The following MRC2 variants were observed in gnomAD, a reference collection of about 807,000 sequenced individuals.
MRC2 encodes mannose receptor C-type 2, also known as C-type mannose receptor 2.
Under a neutral mutation model 206.2 loss-of-function variants are expected in MRC2, and 84 were observed. The observed-to-expected ratio is 0.41, with a 90% CI of 0.34 to 0.49. The LOEUF (loss-of-function observed/expected upper bound fraction) is 0.49, where lower values mean the gene tolerates loss of function less well. MRC2 is among the 20% of genes least tolerant of loss of function. The probability of loss-of-function intolerance (pLI) is 0.31; values close to 1 mark genes in which losing one functional copy is unlikely to be tolerated. For synonymous variants in MRC2, 798 were observed against 800.0 expected, an observed-to-expected ratio of 1.00 and a Z score of 0.04; for missense variants, 1,676 against 2,001.5, an observed-to-expected ratio of 0.84 and a Z score of 3.10.
chr17:62,672,070 T>C lies in MRC2; in HGVS notation c.1379T>C (p.Leu460Pro). Residue 460 changes from leucine (L) to proline (P), a missense_variant, in exon 8 of 30, where the codon CTT becomes CCT. Coordinates refer to ENST00000303375, the MANE Select transcript of MRC2 (RefSeq NM_006039.5). This position sits in a 1 kb window ranked among gnomAD's most constrained non-coding sequence, Gnocchi z 4.5. ...AATTTTGAGTGGTCTGACGGGAGCC[T>C]TGTGAGCTTCACCCACTGGCACCCC... ...QMNFEWSDGS[L>P]VSFTHWHPFE... 1 of 1,614,136 alleles carries C rather than the reference T, an allele frequency of 6.2e-7. No homozygotes were observed. Among genetic ancestry groups the C allele is most frequent in the Non-Finnish European group, 8.5e-7 (1 of 1,180,024 alleles).
intron 1 of MRC2, among the ~76,000 whole-genome samples, chr17:62,647,192 T>TC (rs1156822499): frequency 1.3e-5 from 2 of 150,394 alleles, no homozygotes; most frequent in Non-Finnish European, 3.0e-5. Context: ...TTTTCTTTTT[T>TC]TTTTTTTTTG....
intron 1 of MRC2, among the ~76,000 whole-genome samples, chr17:62,653,155 G>A (rs770464757): frequency 3.5e-4 from 53 of 152,336 alleles, no homozygotes; most frequent in African/African-American, 1.2e-3. Context: ...GCTGCTTGCT[G>A]TAGCGCGGCC....
rs1444145546 is a variant in MRC2, at chr17:62,664,300, C to T, written c.119-248C>T. On this transcript the variant is annotated intron_variant, in intron 1 of 29. Coordinates refer to ENST00000303375, the MANE Select transcript of MRC2 (RefSeq NM_006039.5). This position sits in a 1 kb window ranked among gnomAD's most constrained non-coding sequence, Gnocchi z 4.7. ...GGTGGTACAGAGGACTGAGTCCTCCCTCCTGGTGAGCAGGGGCTAGAACAG... is the reference window on the plus strand; with the variant it reads ...GGTGGTACAGAGGACTGAGTCCTCCTTCCTGGTGAGCAGGGGCTAGAACAG... Among the ~76,000 whole-genome samples, 1 of 152,096 alleles carries T rather than the reference C, an allele frequency of 6.6e-6. No individual in the cohort carries two copies.
chr17:62,628,335 C>T (rs974405094), intron 1 of MRC2, among the ~76,000 whole-genome samples: 2 of 152,196 alleles, frequency 1.3e-5, no homozygotes, highest in Admixed American at 6.5e-5. Context: ...GCCCAGTCTC[C>T]TCGCTCTGCC....
chr17:62,645,360 TG>T, intron 1 of MRC2, among the ~76,000 whole-genome samples: 1 of 151,774 alleles, frequency 6.6e-6, no homozygotes, highest in South Asian at 2.1e-4. Context: ...GATCCAGGTC[TG>T]GTTCCTTTGC....
Position 62,675,701 on chromosome 17 carries a change from T to C in MRC2, c.1570-89T>C, listed in dbSNP as rs1035859663. 5.1e-5 allele frequency: 53 copies of C among 1,034,954 alleles called. No individual in the cohort carries two copies. In the African/African-American group the frequency reaches 7.6e-4, roughly 15 times the overall value. 64.1% of individuals were successfully genotyped at this position (1,034,954 alleles called of 1,614,324 possible). On this transcript the variant is annotated intron_variant, in intron 9 of 29. Coordinates refer to ENST00000303375, the MANE Select transcript of MRC2 (RefSeq NM_006039.5). The surrounding 1 kb of genome is among the most constrained non-coding windows in gnomAD (Gnocchi z 4.1). Reference sequence around the variant, plus strand: ...TCCTGAGCACGTTCAGTGATGTCCCTGATGGCATCTCCCACCACAGGATTT... The same window carrying C: ...TCCTGAGCACGTTCAGTGATGTCCCCGATGGCATCTCCCACCACAGGATTT...
Position 62,690,760 on chromosome 17 carries a change from A to T in MRC2, c.4011A>T (p.Lys1337Asn). 1 of 1,602,746 alleles carries T rather than the reference A, an allele frequency of 6.2e-7. No individual in the cohort carries two copies. The highest frequency in any genetic ancestry group is 8.5e-7 in the Non-Finnish European group (1 of 1,174,728). ...GAWLGMNFNP[K>N]GGTLVWQDNT... ...GGCTGGGCATGAACTTCAACCCCAA[A>T]GGTGGGTGCCCTGTGTGTGGGGTGG... Residue 1337 changes from lysine (K) to asparagine (N), a missense_variant and splice_region_variant, in exon 27 of 30, where the codon AAA (lysine) becomes AAT (asparagine). Transcript: ENST00000303375.
chr17:62,652,785 C>G lies in MRC2; in HGVS notation c.119-11763C>G, dbSNP rs2088571431. Among the ~76,000 whole-genome samples the G allele has an allele frequency of 3.5e-5, 2 of 57,848 alleles. No individual in the cohort carries two copies. The highest frequency in any genetic ancestry group is 6.7e-5 in the Non-Finnish European group (2 of 29,636). 38.0% of individuals were successfully genotyped at this position (57,848 alleles called of 152,430 possible). On this transcript the variant is annotated intron_variant, in intron 1 of 29. Transcript: ENST00000303375. The surrounding 1 kb of genome is among the most constrained non-coding windows in gnomAD (Gnocchi z 4.6). ...CGCCGCTTGGGGGGGTGCACGATGG[C>G]AGGGGGAGGGGTGCTCGGTGGAGGG...
At chr17:62,662,616 C>T (rs897256196) in intron 1 of MRC2, among the ~76,000 whole-genome samples, 1 of 151,994 alleles carries the variant, frequency 6.6e-6, no homozygotes, top group African/African-American at 2.4e-5. Context: ...GACCTAGAAT[C>T]GAAGCACTAG....
At chr17:62,690,095 G>A in intron 25 of MRC2, 33 bp downstream of exon 25, 1 of 1,582,858 alleles carries the variant, frequency 6.3e-7, no homozygotes, top group South Asian at 1.2e-5. Flanking sequence ...GGGGGCATGG[G>A]CAAGCTGTCG....
At chr17:62,662,012 C>T (rs1242409701) in intron 1 of MRC2, among the ~76,000 whole-genome samples, 2 of 152,036 alleles carry the variant, frequency 1.3e-5, no homozygotes, top group African/African-American at 4.8e-5. Context: ...CTTTGGGAGT[C>T]TGAGGAGGGC....
intron 13 of MRC2, 98 bp from the exon 14 acceptor site, chr17:62,679,702 C>A (rs2088936346): frequency 1.7e-6 from 2 of 1,160,370 alleles, no homozygotes; most frequent in Non-Finnish European, 1.2e-6. Context: ...GCCCTGGGGG[C>A]TGCCCCGGTC....
chr17:62,647,820 A>G (rs1377353573), intron 1 of MRC2, among the ~76,000 whole-genome samples: 1 of 152,202 alleles, frequency 6.6e-6, no homozygotes, highest in East Asian at 1.9e-4. Context: ...TGCTACTCCC[A>G]TGAGCTCCCT....
In MRC2 at chr17:62,681,796, G is replaced by C. The variant is rs753901579; in HGVS notation, c.2703-41G>C. On this transcript the variant is annotated intron_variant, in intron 18 of 29. Transcript: ENST00000303375. ...GCTGCATCCGGTGGAGGCCCAGCTG[G>C]GGGCCGGTGCTGGAGTTACCTCTGC... 2.7e-6 allele frequency: 4 copies of C among 1,508,996 alleles called. No individual in the cohort carries two copies. The South Asian group carries it at 4.7e-5, about 18-fold the overall frequency. 93.5% of individuals were successfully genotyped at this position (1,508,996 alleles called of 1,614,324 possible). A position where few individuals can be genotyped will look rare whatever the true frequency, so the allele number is the denominator to read the frequency against.
chr17:62,677,516 C>T, intron 12 of MRC2, 30 bp downstream of exon 12: 1 of 1,557,530 alleles, frequency 6.4e-7, no homozygotes, highest in Non-Finnish European at 8.7e-7. Flanking sequence ...GGGTAGGGGG[C>T]AGGGGGAGGA....
chr17:62,679,970 G>A, intron 14 of MRC2, 68 bp downstream of exon 14: 4 of 1,487,620 alleles, frequency 2.7e-6, no homozygotes, highest in South Asian at 1.3e-5. Flanking sequence ...GTTTGGGGCG[G>A]GGCCTGGAGG....
intron 1 of MRC2, among the ~76,000 whole-genome samples, chr17:62,662,805 A>T (rs1340301732): frequency 6.6e-6 from 1 of 152,096 alleles, no homozygotes; most frequent in Admixed American, 6.5e-5. Flanking sequence ...CCAGCTACTC[A>T]GGAGGCTGAG....
At position 62,688,283 on chromosome 17, in the gene MRC2, CCA is replaced by C; in HGVS notation, c.2947-3_2947-2del. On this transcript the variant is annotated splice_polypyrimidine_tract_variant and splice_region_variant and intron_variant, in intron 20 of 29. Coordinates refer to ENST00000303375, the MANE Select transcript of MRC2 (RefSeq NM_006039.5). ...TGGCCATTACATCCCCACCTCTGCC[CCA>C]CAGTGTTTTCAGGTCCAGGGCCAGG... The C allele has an allele frequency of 6.2e-7, 1 of 1,613,660 alleles. No individual in the cohort carries two copies. The highest frequency in any genetic ancestry group is 8.5e-7 in the Non-Finnish European group (1 of 1,179,764).
In MRC2 at chr17:62,666,319, T is replaced by C. The variant is rs751739519; in HGVS notation, c.694+52T>C. The C allele has an allele frequency of 6.4e-7, 1 of 1,555,068 alleles. No individual in the cohort carries two copies. The highest frequency in any genetic ancestry group is 2.3e-5 in the East Asian group (1 of 44,242). ...GGGGGCAGTGTTCCTGGAGGGAGGC[T>C]GGTGCTGAGGGGCCCCGGGGCCCAG... is the stretch of plus-strand genomic sequence containing the variant. On this transcript the variant is annotated intron_variant, in intron 3 of 29. Transcript: ENST00000303375. This position sits in a 1 kb window ranked among gnomAD's most constrained non-coding sequence, Gnocchi z 5.0.
Sources: allele counts gnomAD v4.1 joint callset (sites outside exome capture counted in the v4.1 genomes callset), GRCh38; gene constraint gnomAD v4.1.1; non-coding constraint Gnocchi (gnomAD v3.1); transcripts MANE v1.5; gene names NCBI Gene and HGNC (gene_info 2026-07-23, HGNC 2026-07-21).